The following COLEC12 variants were observed in gnomAD, a reference collection of about 807,000 sequenced individuals.
COLEC12 encodes the protein collectin-12.
Under a neutral mutation model 71.1 loss-of-function variants are expected in COLEC12, and 33 were observed. That is an observed-to-expected ratio of 0.46 (90% confidence interval 0.35 to 0.62). The LOEUF (loss-of-function observed/expected upper bound fraction) is 0.62, where lower values mean the gene tolerates loss of function less well. Ranked by LOEUF, COLEC12 falls within the 20% of genes least tolerant of loss-of-function variation. The pLI, the probability that COLEC12 is intolerant of heterozygous loss-of-function variation, is 0.00. For synonymous variants in COLEC12, 350 were observed against 353.0 expected (o/e 0.99, Z 0.10); for missense variants, 765 against 916.1 (o/e 0.84, Z 2.13).
intron 2 of COLEC12, among the ~76,000 whole-genome samples, chr18:431,885 G>A (rs985236569): frequency 2.0e-5 from 3 of 152,166 alleles, no homozygotes; most frequent in Non-Finnish European, 4.4e-5. Context: ...GTGCTAAGGA[G>A]ATTTTATATA....
intron 2 of COLEC12, among the ~76,000 whole-genome samples, chr18:438,171 T>TA (rs1567907875): frequency 6.6e-6 from 1 of 152,162 alleles, no homozygotes; most frequent in African/African-American, 2.4e-5. Flanking sequence ...CTATTGGATA[T>TA]AAAAAAGTAG....
chr18:411,110 A>G (rs570050339), intron 2 of COLEC12, among the ~76,000 whole-genome samples: 1 of 152,330 alleles, frequency 6.6e-6, no homozygotes, highest in East Asian at 1.9e-4. Flanking sequence ...ATAATGCTTA[A>G]TAATTAGCAA....
At chr18:407,204 T>C (rs1915808079) in intron 2 of COLEC12, among the ~76,000 whole-genome samples, 1 of 152,198 alleles carries the variant, frequency 6.6e-6, no homozygotes. Flanking sequence ...ATTTTGTCTC[T>C]AGGGATATAA....
chr18:368,549 G>A (rs190293409), intron 2 of COLEC12, among the ~76,000 whole-genome samples: 2 of 151,966 alleles, frequency 1.3e-5, no homozygotes. Context: ...TCTCCAGCCT[G>A]GGTGATAGAC....
rs1188217352 is a variant in COLEC12, at chr18:500,298, A to G, written c.7+210T>C. Among the ~76,000 whole-genome samples the G allele has an allele frequency of 6.6e-6, 1 of 152,110 alleles. No homozygotes were observed. Among genetic ancestry groups the G allele is most frequent in the East Asian group, 1.9e-4 (1 of 5,160 alleles). ...GGGAGGGGAATACTTGCGCGCTTCA[A>G]AACCCCAACCTCGAGGTCTCCAGCC... On this transcript the variant is annotated intron_variant, in intron 1 of 9. Coordinates refer to ENST00000400256, the MANE Select transcript of COLEC12 (RefSeq NM_130386.3). The surrounding 1 kb of genome is among the most constrained non-coding windows in gnomAD (Gnocchi z 5.3).
intron 3 of COLEC12, among the ~76,000 whole-genome samples, chr18:351,038 T>G (rs1448506051): frequency 1.3e-5 from 2 of 152,096 alleles, no homozygotes; most frequent in Non-Finnish European, 2.9e-5. Context: ...TCTAATTTAT[T>G]GTATTCATCA....
intron 2 of COLEC12, among the ~76,000 whole-genome samples, chr18:478,156 G>T (rs1917340550): frequency 6.6e-6 from 1 of 152,092 alleles, no homozygotes; most frequent in Non-Finnish European, 1.5e-5. Flanking sequence ...AAGTTGAAAG[G>T]TCAGCTCCAC....
chr18:440,897 G>A (rs1477954345), intron 2 of COLEC12, among the ~76,000 whole-genome samples: 1 of 152,084 alleles, frequency 6.6e-6, no homozygotes, highest in Non-Finnish European at 1.5e-5. Context: ...GATGATTTGG[G>A]GAAATGTCAT....
At chr18:426,520 T>G (rs1916202628) in intron 2 of COLEC12, among the ~76,000 whole-genome samples, 1 of 152,214 alleles carries the variant, frequency 6.6e-6, no homozygotes, top group Admixed American at 6.5e-5. Flanking sequence ...GTTTTGCATC[T>G]ACTAGGTAAA....
intron 2 of COLEC12, among the ~76,000 whole-genome samples, chr18:401,769 G>A (rs890068002): frequency 6.6e-6 from 1 of 152,116 alleles, no homozygotes; most frequent in Non-Finnish European, 1.5e-5. Context: ...CATGGTACTG[G>A]GTACAATGTA....
intron 2 of COLEC12, among the ~76,000 whole-genome samples, chr18:468,621 C>G (rs114511932): frequency 1.3e-5 from 2 of 152,104 alleles, no homozygotes; most frequent in Admixed American, 1.3e-4. Context: ...AACTTTAATT[C>G]CCCATCTTTG....
chr18:489,548 A>G (rs190601468), intron 1 of COLEC12, among the ~76,000 whole-genome samples: 48 of 152,320 alleles, frequency 3.2e-4, no homozygotes, highest in Admixed American at 1.6e-3. Context: ...AGAATTCCTA[A>G]TATGTTTGAA....
intron 2 of COLEC12, among the ~76,000 whole-genome samples, chr18:452,035 T>G (rs961262096): frequency 5.3e-5 from 8 of 152,332 alleles, no homozygotes; most frequent in African/African-American, 1.9e-4. Flanking sequence ...TGAAGCCTTT[T>G]CTCATACCTA....
chr18:368,223 C>A (rs1478111500), intron 2 of COLEC12, among the ~76,000 whole-genome samples: 1 of 152,158 alleles, frequency 6.6e-6, no homozygotes, highest in Non-Finnish European at 1.5e-5. Context: ...TACACACACA[C>A]ACAAAGTGAC....
intron 1 of COLEC12, among the ~76,000 whole-genome samples, chr18:484,089 T>G (rs562618726): frequency 1.3e-5 from 2 of 152,312 alleles, no homozygotes; most frequent in Admixed American, 1.3e-4. Context: ...CCATTAGACA[T>G]GTCTATTCTC....
chr18:359,196 C>CT lies in COLEC12; in HGVS notation c.59-1675dup, dbSNP rs199895146. Among the ~76,000 whole-genome samples, 405 of 152,048 alleles carry CT rather than the reference C, an allele frequency of 2.7e-3. 3 individuals are homozygous for CT. The highest frequency in any genetic ancestry group is 2.9e-3 in the Non-Finnish European group (199 of 67,980). ...GAGCCAACTGTTAAATTTGTAAGAA[C>CT]TTTGAGAGCTGGTTGTGAAACTGTT... On this transcript the variant is annotated intron_variant, in intron 2 of 9. Transcript: ENST00000400256.
At chr18:352,143 A>C (rs1211241250) in intron 3 of COLEC12, among the ~76,000 whole-genome samples, 2 of 152,204 alleles carry the variant, frequency 1.3e-5, no homozygotes, top group Non-Finnish European at 2.9e-5. Context: ...TCTGTACCTT[A>C]GGGTTGCTTC....
At chr18:449,366 C>T (rs1394530224) in intron 2 of COLEC12, among the ~76,000 whole-genome samples, 2 of 152,182 alleles carry the variant, frequency 1.3e-5, no homozygotes, top group Non-Finnish European at 2.9e-5. Flanking sequence ...GTTGTTTACA[C>T]TCTAAACTAG....
intron 1 of COLEC12, among the ~76,000 whole-genome samples, chr18:485,324 A>G (rs1411149349): frequency 1.3e-5 from 2 of 152,180 alleles, no homozygotes; most frequent in Non-Finnish European, 2.9e-5. Context: ...ACACTCCTAC[A>G]TGAATAAGGA....
Sources: gnomAD v4.1 joint callset for allele counts (sites outside exome capture counted in the v4.1 genomes callset) on GRCh38, gnomAD v4.1.1 for gene constraint, Gnocchi (gnomAD v3.1) non-coding constraint, MANE v1.5 for transcripts, NCBI Gene and HGNC (gene_info 2026-07-23, HGNC 2026-07-21) for gene names.